WWOX: variants seen among roughly 807,000 people sequenced by gnomAD.
The protein encoded by WWOX is WW domain containing oxidoreductase.
WWOX carries 69 observed loss-of-function variants against 46.2 expected under a neutral mutation model. That is an observed-to-expected ratio of 1.49 (90% confidence interval 1.23 to 1.82). WWOX has a LOEUF of 1.82. Ranked by LOEUF, WWOX falls within the 40% of genes most tolerant of loss-of-function variation. The probability of loss-of-function intolerance (pLI) is 0.00; values close to 1 mark genes in which losing one functional copy is unlikely to be tolerated. For synonymous variants in WWOX, 359 were observed against 202.6 expected (o/e 1.77, Z -6.56); for missense variants, 919 against 542.6 (o/e 1.69, Z -6.89).
At chr16:78,119,582 A>G (rs1485863058) in intron 4 of WWOX, among the ~76,000 whole-genome samples, 1 of 151,872 alleles carries the variant, frequency 6.6e-6, no homozygotes, top group African/African-American at 2.4e-5. Flanking sequence ...ATTTATTATC[A>G]TATTTACGGA....
chr16:78,366,099 T>C (rs1435791986), intron 5 of WWOX, among the ~76,000 whole-genome samples: 1 of 152,170 alleles, frequency 6.6e-6, no homozygotes, highest in Non-Finnish European at 1.5e-5. Flanking sequence ...GCCCAGGTAT[T>C]AGCATACTTG....
At chr16:78,703,069 C>T (rs1255336862) in intron 8 of WWOX, among the ~76,000 whole-genome samples, 2 of 152,080 alleles carry the variant, frequency 1.3e-5, no homozygotes, top group Non-Finnish European at 2.9e-5. Context: ...GAGAAGGCTC[C>T]TCCGATGATG....
At chr16:78,999,191 C>A (rs1288445403) in intron 8 of WWOX, among the ~76,000 whole-genome samples, 1 of 151,406 alleles carries the variant, frequency 6.6e-6, no homozygotes, top group African/African-American at 2.4e-5. Context: ...GCTGCATCAG[C>A]CAGGGGCAGC....
chr16:78,876,629 C>T (rs28415811), intron 8 of WWOX, among the ~76,000 whole-genome samples: 1 of 152,156 alleles, frequency 6.6e-6, no homozygotes, highest in African/African-American at 2.4e-5. Context: ...GTACTGCTTT[C>T]TCTAGAGATC....
chr16:78,736,962 A>G (rs1002063288), intron 8 of WWOX, among the ~76,000 whole-genome samples: 9 of 152,136 alleles, frequency 5.9e-5, no homozygotes, highest in African/African-American at 1.7e-4. Context: ...TAGTCACAGA[A>G]GCCCATAAAA....
rs537145673 is a variant in WWOX, at chr16:78,237,343, AAC to A, written c.516+73057_516+73058del. Reference sequence around the variant, plus strand: ...TTGTTTTTTGAAAGAGACTGTTTAAAACACGTAATTTTGCTAAGTTATGGCTC... The same window carrying A: ...TTGTTTTTTGAAAGAGACTGTTTAAAACGTAATTTTGCTAAGTTATGGCTC... On this transcript the variant is annotated intron_variant, in intron 5 of 8. Transcript: ENST00000566780. 404 of 152,364 alleles carry A rather than the reference AAC, an allele frequency of 2.7e-3. 2 individuals carry two copies. Among genetic ancestry groups the A allele is most frequent in the African/African-American group, 9.3e-3 (387 of 41,588 alleles). 9.4% of individuals were successfully genotyped at this position (152,364 alleles called of 1,614,324 possible).
At chr16:79,189,288 C>A (rs1186138357) in intron 8 of WWOX, among the ~76,000 whole-genome samples, 1 of 151,726 alleles carries the variant, frequency 6.6e-6, no homozygotes, top group African/African-American at 2.4e-5. Context: ...GACAGGATCT[C>A]ACTTTGTCAC....
chr16:79,015,311 G>T (rs2047391294), intron 8 of WWOX, among the ~76,000 whole-genome samples: 1 of 152,184 alleles, frequency 6.6e-6, no homozygotes, highest in African/African-American at 2.4e-5. Flanking sequence ...AAGTTGAGAT[G>T]AACAGAATTC....
chr16:78,916,124 G>T (rs1363211145), intron 8 of WWOX, among the ~76,000 whole-genome samples: 1 of 152,174 alleles, frequency 6.6e-6, no homozygotes, highest in African/African-American at 2.4e-5. Flanking sequence ...CTCCCGCACA[G>T]ATAACCGTCC....
chr16:78,540,964 G>A lies in WWOX; in HGVS notation c.1056+108212G>A, dbSNP rs536500278. 6.6e-5 allele frequency among the ~76,000 whole-genome samples: 10 copies of A among 152,254 alleles called. No individual in the cohort carries two copies. The South Asian group carries it at 2.1e-3, about 32-fold the overall frequency. On this transcript the variant is annotated intron_variant, in intron 8 of 8. Transcript: ENST00000566780. ...AGCTCCCGAAGCGCTGGGACCAATA[G>A]AGATTTCTCTGAGAATTAGGTCCCC...
chr16:79,171,847 A>T (rs1016291334), intron 8 of WWOX, among the ~76,000 whole-genome samples: 61 of 152,302 alleles, frequency 4.0e-4, no homozygotes, highest in Non-Finnish European at 8.1e-4. Context: ...AAAAAAAAAA[A>T]TTACCAAAAC....
chr16:79,135,273 T>G (rs980246472), intron 8 of WWOX, among the ~76,000 whole-genome samples: 23 of 152,214 alleles, frequency 1.5e-4, no homozygotes, highest in African/African-American at 5.5e-4. Flanking sequence ...ATGAGTACAC[T>G]TGTTAATTTA....
chr16:78,349,436 G>T lies in WWOX; in HGVS notation c.517-37424G>T, dbSNP rs537526885. On this transcript the variant is annotated intron_variant, in intron 5 of 8. Coordinates refer to ENST00000566780, the MANE Select transcript of WWOX (RefSeq NM_016373.4). The stretch of plus-strand genomic sequence containing the variant: ...TAACGAATACCACTGCCTAATGTTT[G>T]CACGGGGATATCATGCTTTTCAGAG... Among the ~76,000 whole-genome samples the T allele has an allele frequency of 2.5e-5, 3 of 121,014 alleles. 1 individual carries two copies. In the South Asian group the frequency reaches 7.5e-4, roughly 30 times the overall value. 79.4% of individuals were successfully genotyped at this position (121,014 alleles called of 152,430 possible).
Position 78,835,186 on chromosome 16 carries a change from C to G in WWOX, c.1057-376422C>G, listed in dbSNP as rs150977549. Among the ~76,000 whole-genome samples the G allele has an allele frequency of 4.6e-5, 7 of 152,240 alleles. No homozygotes were observed. In the East Asian group the frequency reaches 1.3e-3, roughly 29 times the overall value. On this transcript the variant is annotated intron_variant, in intron 8 of 8. Transcript: ENST00000566780. ...TGCTTTTGTCATTATCCAACATTAGCTGTCTTTATTATAGTGGCCTTCTTA... is the reference window on the plus strand; with the variant it reads ...TGCTTTTGTCATTATCCAACATTAGGTGTCTTTATTATAGTGGCCTTCTTA...
At chr16:78,348,553 G>C (rs2081132457) in intron 5 of WWOX, among the ~76,000 whole-genome samples, 1 of 120,826 alleles carries the variant, frequency 8.3e-6, no homozygotes, top group African/African-American at 2.8e-5. Context: ...TGCCTCTTGA[G>C]CTCAGGCAAT....
chr16:78,409,667 G>A (rs2082630244), intron 6 of WWOX, among the ~76,000 whole-genome samples: 1 of 152,166 alleles, frequency 6.6e-6, no homozygotes. Context: ...TGACAGCTCT[G>A]TAGGTTAAAG....
At chr16:78,883,287 G>GTAACCA (rs2044382496) in intron 8 of WWOX, among the ~76,000 whole-genome samples, 2 of 143,944 alleles carry the variant, frequency 1.4e-5, no homozygotes, top group African/African-American at 5.4e-5. Flanking sequence ...CATCAGTAAC[G>GTAACCA]CAGTAACGTA....
intron 8 of WWOX, among the ~76,000 whole-genome samples, chr16:78,597,729 G>A (rs942328289): frequency 3.3e-5 from 5 of 149,298 alleles, no homozygotes; most frequent in African/African-American, 1.2e-4. Flanking sequence ...ATTGCTTAAT[G>A]GGAATCATAA....
intron 4 of WWOX, among the ~76,000 whole-genome samples, chr16:78,137,698 A>G (rs16947173): frequency 0.24 from 36,289 of 152,026 alleles, 4,480 homozygotes; most frequent in South Asian, 0.28. Context: ...GAGGGATTCT[A>G]AAGTTGTTGT....
Sources: allele counts gnomAD v4.1 joint callset (sites outside exome capture counted in the v4.1 genomes callset), GRCh38; gene constraint gnomAD v4.1.1; transcripts MANE v1.5; gene names NCBI Gene and HGNC (gene_info 2026-07-23, HGNC 2026-07-21).